The following EVI5 variants were observed in gnomAD, a reference collection of about 807,000 sequenced individuals.
The protein encoded by EVI5 is ecotropic viral integration site 5 protein homolog.
EVI5 carries 73 observed loss-of-function variants against 112.0 expected under a neutral mutation model. The observed-to-expected ratio is 0.65, with a 90% CI of 0.54 to 0.79. EVI5 has a LOEUF of 0.79. Ranked by LOEUF, EVI5 falls within the 30% of genes least tolerant of loss-of-function variation. The probability of loss-of-function intolerance (pLI) is 0.00; values close to 1 mark genes in which losing one functional copy is unlikely to be tolerated. For missense variants in EVI5, 900 were observed against 968.8 expected, an observed-to-expected ratio of 0.93 and a Z score of 0.94; for synonymous variants, 305 against 319.9, an observed-to-expected ratio of 0.95 and a Z score of 0.50.
chr1:92,645,060 T>C (rs1660690451), intron 13 of EVI5, among the ~76,000 whole-genome samples: 2 of 152,236 alleles, frequency 1.3e-5, no homozygotes. Flanking sequence ...TTCTGCTACC[T>C]ACTTGCTTCA....
chr1:92,552,809 C>T (rs749878944), intron 19 of EVI5, among the ~76,000 whole-genome samples: 9 of 151,812 alleles, frequency 5.9e-5, no homozygotes, highest in African/African-American at 1.7e-4. Context: ...TTTTTAAGTT[C>T]GAATATTTTT....
chr1:92,757,769 G>A (rs920491546), intron 1 of EVI5, among the ~76,000 whole-genome samples: 1 of 151,798 alleles, frequency 6.6e-6, no homozygotes, highest in East Asian at 1.9e-4. Context: ...AGGCATGGTG[G>A]TGCACGCCTG....
chr1:92,615,464 T>C (rs753785696), intron 16 of EVI5, among the ~76,000 whole-genome samples: 32 of 152,086 alleles, frequency 2.1e-4, no homozygotes, highest in Non-Finnish European at 4.3e-4. Context: ...AGTGAGGGCA[T>C]TGATTGGAAA....
chr1:92,536,138 TCAG>T (rs1443039652), intron 19 of EVI5, among the ~76,000 whole-genome samples: 4 of 152,156 alleles, frequency 2.6e-5, no homozygotes, highest in African/African-American at 9.7e-5. Context: ...TCTGACACAC[TCAG>T]CACAAGTTTA....
chr1:92,693,656 G>GT, intron 9 of EVI5, 146 bp downstream of exon 9: 1 of 580,720 alleles, frequency 1.7e-6, no homozygotes, highest in South Asian at 2.4e-5. Flanking sequence ...GTTAAAAGCA[G>GT]TATATTCCAA....
At chr1:92,609,880 GT>G (rs946617732) in intron 16 of EVI5, among the ~76,000 whole-genome samples, 110 of 137,904 alleles carry the variant, frequency 8.0e-4, no homozygotes, top group Admixed American at 7.2e-4. Flanking sequence ...TCTCTTTTTT[GT>G]TTTTTTTTTT....
At chr1:92,602,422 G>A (rs1649376913) in intron 18 of EVI5, among the ~76,000 whole-genome samples, 1 of 152,008 alleles carries the variant, frequency 6.6e-6, no homozygotes, top group African/African-American at 2.4e-5. Flanking sequence ...TTGAGACAAG[G>A]TCTCATTCTG....
chr1:92,598,021 T>C (rs1417444281), intron 18 of EVI5, among the ~76,000 whole-genome samples: 2 of 152,320 alleles, frequency 1.3e-5, no homozygotes, highest in East Asian at 3.9e-4. Flanking sequence ...ATCACACCAC[T>C]GCACTCTGGT....
intron 19 of EVI5, among the ~76,000 whole-genome samples, chr1:92,551,926 C>CCCT (rs1160280797): frequency 6.6e-6 from 1 of 152,106 alleles, no homozygotes; most frequent in African/African-American, 2.4e-5. Flanking sequence ...ATTTATATTT[C>CCCT]CATTCTAATT....
At chr1:92,594,238 A>C (rs1194210618) in intron 18 of EVI5, among the ~76,000 whole-genome samples, 3 of 152,170 alleles carry the variant, frequency 2.0e-5, no homozygotes, top group Admixed American at 2.0e-4. Context: ...ATGGAACAGA[A>C]CAGAGCCCTC....
intron 14 of EVI5, 128 bp downstream of exon 14, chr1:92,636,074 T>A: frequency 1.4e-6 from 1 of 706,582 alleles, no homozygotes. Flanking sequence ...CTTTTCCTCT[T>A]AGTAACTAAT....
chr1:92,741,257 C>T (rs1400340064), intron 1 of EVI5, among the ~76,000 whole-genome samples: 5 of 152,160 alleles, frequency 3.3e-5, no homozygotes, highest in African/African-American at 4.8e-5. Context: ...AGATTCCTTG[C>T]TCTTAACCAC....
At chr1:92,677,849 G>GACTGCACC (rs1666988458) in intron 9 of EVI5, among the ~76,000 whole-genome samples, 1 of 152,140 alleles carries the variant, frequency 6.6e-6, no homozygotes, top group African/African-American at 2.4e-5. Context: ...AATCCTAGTA[G>GACTGCACC]ACTGCACCTG....
chr1:92,727,842 C>G (rs116512465), intron 2 of EVI5, among the ~76,000 whole-genome samples: 27 of 151,532 alleles, frequency 1.8e-4, no homozygotes, highest in African/African-American at 6.5e-4. Context: ...ATAGTGGGAC[C>G]CCATCTCTTA....
chr1:92,788,233 G>A (rs777086167), upstream of EVI5, among the ~76,000 whole-genome samples: 2 of 152,124 alleles, frequency 1.3e-5, no homozygotes, highest in Non-Finnish European at 2.9e-5. Context: ...ACTTTGGGAG[G>A]CCAAGGTGGG....
intron 19 of EVI5, among the ~76,000 whole-genome samples, chr1:92,544,894 A>G (rs986025410): frequency 1.3e-5 from 2 of 152,154 alleles, no homozygotes; most frequent in Admixed American, 1.3e-4. Context: ...GGTTCCTCAG[A>G]CTGACCACAA....
At chr1:92,689,209 G>A (rs1669071061) in intron 9 of EVI5, among the ~76,000 whole-genome samples, 1 of 152,086 alleles carries the variant, frequency 6.6e-6, no homozygotes, top group African/African-American at 2.4e-5. Flanking sequence ...GTGTCACTTT[G>A]GCAAAATTCT....
chr1:92,690,008 C>A (rs1339928802), intron 9 of EVI5, among the ~76,000 whole-genome samples: 1 of 152,078 alleles, frequency 6.6e-6, no homozygotes, highest in Admixed American at 6.5e-5. Context: ...CCCACCTCAG[C>A]CTATGGAAAA....
chr1:92,704,211 G>A (rs900722094), intron 3 of EVI5, among the ~76,000 whole-genome samples: 4 of 152,164 alleles, frequency 2.6e-5, no homozygotes, highest in Non-Finnish European at 5.9e-5. Context: ...CTACTCAGGA[G>A]CCTGAGGCAG....
Sources: gnomAD v4.1 joint callset for allele counts (sites outside exome capture counted in the v4.1 genomes callset) on GRCh38, gnomAD v4.1.1 for gene constraint, MANE v1.5 for transcripts, NCBI Gene and HGNC (gene_info 2026-07-23, HGNC 2026-07-21) for gene names.